The following ADAMTSL1 variants were observed in gnomAD, a reference collection of about 807,000 sequenced individuals.
ADAMTSL1 encodes the protein ADAMTS-like protein 1.
In ADAMTSL1, 126 loss-of-function variants were observed where a neutral mutation model predicts 201.8. The ratio of observed to expected loss-of-function variants is 0.62; its 90% confidence interval spans 0.54 to 0.72. The LOEUF (loss-of-function observed/expected upper bound fraction) is 0.72, where lower values mean the gene tolerates loss of function less well. ADAMTSL1 is among the 30% of genes least tolerant of loss of function. The pLI, the probability that ADAMTSL1 is intolerant of heterozygous loss-of-function variation, is 0.00. For synonymous variants in ADAMTSL1, 1,121 were observed against 903.4 expected (o/e 1.24, Z -4.32); for missense variants, 2,679 against 2,277.8 (o/e 1.18, Z -3.59).
In ADAMTSL1 at chr9:18,622,326, G is replaced by A; in HGVS notation, c.558G>A (p.Arg186=). ...GCAACGGAGATGGGTCCACCTGCCG[G>A]CTGGTCCGAGGGCAGTATAAATCCC... is the stretch of plus-strand genomic sequence containing the variant. ...GVCNGDGSTC[R]LVRGQYKSQL... The change falls in exon 5 of 29, where the codon CGG becomes CGA. Residue 186 remains arginine, a synonymous_variant. Transcript: ENST00000380548. 1 of 1,614,026 alleles carries A rather than the reference G, an allele frequency of 6.2e-7. No homozygotes were observed. Among genetic ancestry groups the A allele is most frequent in the Non-Finnish European group, 8.5e-7 (1 of 1,179,966 alleles).
chr9:18,472,681 G>A (rs563235300), upstream of ADAMTSL1, among the ~76,000 whole-genome samples: 1 of 152,200 alleles, frequency 6.6e-6, no homozygotes, highest in East Asian at 1.9e-4. Flanking sequence ...GCTTGATCAG[G>A]TTTTCCATAT....
At chr9:18,404,465 T>C (rs947525043) in intron 2 of ADAMTSL1, among the ~76,000 whole-genome samples, 37 of 152,274 alleles carry the variant, frequency 2.4e-4, no homozygotes, top group Non-Finnish European at 5.0e-4. Flanking sequence ...GGAGCACCGG[T>C]CTAAATCATG....
chr9:18,205,021 C>T (rs1829595880), intron 2 of ADAMTSL1, among the ~76,000 whole-genome samples: 1 of 152,132 alleles, frequency 6.6e-6, no homozygotes, highest in South Asian at 2.1e-4. Context: ...CAAGGTCTCA[C>T]AATCTGAGGA....
chr9:18,115,885 A>C (rs1352372700), intron 1 of ADAMTSL1, among the ~76,000 whole-genome samples: 1 of 152,158 alleles, frequency 6.6e-6, no homozygotes, highest in East Asian at 1.9e-4. Flanking sequence ...TTCATAAAGG[A>C]AATAGCGTTT....
chr9:18,188,173 A>G (rs1828817172), intron 2 of ADAMTSL1, among the ~76,000 whole-genome samples: 1 of 152,202 alleles, frequency 6.6e-6, no homozygotes, highest in African/African-American at 2.4e-5. Context: ...ACCCACCACC[A>G]GCACAACTCC....
Position 18,805,548 on chromosome 9 carries a change from T to G in ADAMTSL1, c.3805+10024T>G, listed in dbSNP as rs557455359. On this transcript the variant is annotated intron_variant, in intron 20 of 28. Transcript: ENST00000380548. ...TACAGCTTTGCATGCATCCATTTAC[T>G]TACTCCTCTCAGCCACTGTAGAAGT... Among the ~76,000 whole-genome samples, 3 of 152,316 alleles carry G rather than the reference T, an allele frequency of 2.0e-5. No individual in the cohort carries two copies. The East Asian group carries it at 5.8e-4, about 29-fold the overall frequency.
chr9:17,994,490 C>T (rs1819294795), intron 1 of ADAMTSL1, among the ~76,000 whole-genome samples: 1 of 152,072 alleles, frequency 6.6e-6, no homozygotes, highest in Non-Finnish European at 1.5e-5. Context: ...CAGTGCCATT[C>T]AAAAATGCTT....
intron 2 of ADAMTSL1, among the ~76,000 whole-genome samples, chr9:18,295,950 T>G (rs550674323): frequency 1.3e-5 from 2 of 152,330 alleles, no homozygotes; most frequent in South Asian, 4.1e-4. Context: ...GTGATTAACC[T>G]TAGTATTACT....
At chr9:18,285,571 C>G (rs1055497709) in intron 2 of ADAMTSL1, among the ~76,000 whole-genome samples, 1 of 151,966 alleles carries the variant, frequency 6.6e-6, no homozygotes, top group African/African-American at 2.4e-5. Flanking sequence ...CTATAACCTA[C>G]TTTCATTTCA....
At chr9:18,580,070 A>T (rs1822999249) in intron 4 of ADAMTSL1, among the ~76,000 whole-genome samples, 2 of 152,202 alleles carry the variant, frequency 1.3e-5, no homozygotes, top group Non-Finnish European at 2.9e-5. Flanking sequence ...TATGATTATA[A>T]ACAAGCCTTT....
intron 1 of ADAMTSL1, among the ~76,000 whole-genome samples, chr9:18,502,955 C>T (rs548345443): frequency 6.2e-4 from 95 of 152,014 alleles, no homozygotes; most frequent in Middle Eastern, 3.4e-3. Flanking sequence ...GCAACAAATG[C>T]TTATACAATG....
Position 18,079,682 on chromosome 9 carries a change from AAAATAAATAAATAAAT to A in ADAMTSL1, c.88-84148_88-84133del, listed in dbSNP as rs200603951. 2.1e-3 allele frequency among the ~76,000 whole-genome samples: 299 copies of A among 141,738 alleles called. 1 individual carries two copies. Among genetic ancestry groups the A allele is most frequent in the Middle Eastern group, 7.2e-3 (2 of 278 alleles). 93.0% of individuals were successfully genotyped at this position (141,738 alleles called of 152,430 possible). On this transcript the variant is annotated intron_variant, in intron 1 of 29. Coordinates refer to the ADAMTSL1 transcript ENST00000680146. ...GGGAGACAGAGCGAGACTCTGTCTC[AAAATAAATAAATAAAT>A]AAATAAATAAATAAATAAATAAATA...
intron 2 of ADAMTSL1, among the ~76,000 whole-genome samples, chr9:18,436,667 T>A (rs1189310773): frequency 2.0e-5 from 3 of 152,130 alleles, no homozygotes; most frequent in Non-Finnish European, 4.4e-5. Context: ...ACTTTTCAGC[T>A]CTTATTTTAC....
intron 3 of ADAMTSL1, among the ~76,000 whole-genome samples, chr9:18,537,631 G>T (rs114921792): frequency 8.4e-4 from 128 of 152,154 alleles, no homozygotes; most frequent in Admixed American, 5.4e-3. Context: ...ATGTTTTGGG[G>T]GTGGAGGGGT....
intron 2 of ADAMTSL1, among the ~76,000 whole-genome samples, chr9:18,174,908 C>T (rs574188351): frequency 6.6e-6 from 1 of 152,182 alleles, no homozygotes; most frequent in African/African-American, 2.4e-5. Flanking sequence ...AATTTAGTTT[C>T]TTGTGTGTGT....
rs1823920266 is a variant in ADAMTSL1 at position 18,817,230 on chromosome 9, G to T, written c.3927G>T (p.Gln1309His). The change falls in exon 21 of 29, where the codon CAG becomes CAT. Residue 1309 changes from glutamine to histidine, a missense_variant. Physicochemically the swap from Gln to His is conservative, Grantham distance 24. Coordinates refer to ENST00000380548, the MANE Select transcript of ADAMTSL1 (RefSeq NM_001040272.6). ...GAGTGAATGTGACAATCAACTGCCA[G>T]GTTGCAGGTGAGAAATTAATGTTCA... ...VQGVNVTINC[Q>H]VAGVPEAEVT... The T allele has an allele frequency of 6.4e-7, 1 of 1,553,910 alleles. No homozygotes were observed. Among genetic ancestry groups the T allele is most frequent in the South Asian group, 1.2e-5 (1 of 84,118 alleles).
chr9:18,149,895 T>C (rs988890702), intron 1 of ADAMTSL1, among the ~76,000 whole-genome samples: 3 of 151,948 alleles, frequency 2.0e-5, no homozygotes, highest in African/African-American at 7.2e-5. Context: ...TAATTTAATG[T>C]AGAGGGAAAA....
intron 23 of ADAMTSL1, 92 bp downstream of exon 23, chr9:18,830,069 A>G: frequency 6.7e-7 from 1 of 1,488,010 alleles, no homozygotes. Context: ...AGGAGGCAGC[A>G]GTCGGGGGTG....
At chr9:18,679,049 AGTT>A (rs886379390) in intron 10 of ADAMTSL1, among the ~76,000 whole-genome samples, 39 of 152,316 alleles carry the variant, frequency 2.6e-4, no homozygotes, top group African/African-American at 8.9e-4. Flanking sequence ...GGCAGATAAC[AGTT>A]GTTGCCTAAA....
Sources: allele counts gnomAD v4.1 joint callset (sites outside exome capture counted in the v4.1 genomes callset), GRCh38; gene constraint gnomAD v4.1.1; transcripts MANE v1.5; gene names NCBI Gene and HGNC (gene_info 2026-07-23, HGNC 2026-07-21).